PAXBP1: variants seen among roughly 807,000 people sequenced by gnomAD.
PAXBP1 encodes the protein PAX3 and PAX7 binding protein 1.
In PAXBP1, 44 loss-of-function variants were observed where a neutral mutation model predicts 119.9. The ratio of observed to expected loss-of-function variants is 0.37; its 90% CI spans 0.29 to 0.47. PAXBP1 has a LOEUF of 0.47. PAXBP1 is among the 20% of genes least tolerant of loss of function. The probability of loss-of-function intolerance (pLI) is 0.99; values close to 1 mark genes in which losing one functional copy is unlikely to be tolerated. For missense variants in PAXBP1, 898 were observed against 1,134.1 expected (o/e 0.79, Z 2.99); for synonymous variants, 393 against 406.6 (o/e 0.97, Z 0.40).
intron 10 of PAXBP1, among the ~76,000 whole-genome samples, chr21:32,750,324 T>C (rs941474285): frequency 6.6e-6 from 1 of 152,226 alleles, no homozygotes; most frequent in Non-Finnish European, 1.5e-5. Flanking sequence ...ATGTGGATGA[T>C]CACTGTGCTA....
chr21:32,742,214 G>T (rs754144627), intron 15 of PAXBP1: 2 of 152,084 alleles, frequency 1.3e-5, no homozygotes, highest in Non-Finnish European at 2.9e-5. Flanking sequence ...ACACTAAAAA[G>T]AGTGAATTTT....
At chr21:32,738,516 G>A (rs927810668) in intron 15 of PAXBP1, among the ~76,000 whole-genome samples, 197 bp from the exon 16 acceptor site, 6 of 152,036 alleles carry the variant, frequency 3.9e-5, no homozygotes, top group Non-Finnish European at 1.5e-5. Context: ...AGTCAAAATC[G>A]AAACAGCCAC....
rs1444575913 is a variant in PAXBP1 at position 32,761,168 on chromosome 21, G to A, written c.872-6C>T. 1.2e-6 allele frequency: 2 copies of A among 1,608,976 alleles called. No individual in the cohort carries two copies. Reference sequence around the variant, plus strand: ...ATCATCACTCCCCTCAATTCCTACAGCCATGAGCAACAAAGAAAAGTAAGT... The same window carrying A: ...ATCATCACTCCCCTCAATTCCTACAACCATGAGCAACAAAGAAAAGTAAGT... On this transcript the variant is annotated splice_polypyrimidine_tract_variant and splice_region_variant and intron_variant, in intron 4 of 17. Coordinates refer to ENST00000331923, the MANE Select transcript of PAXBP1 (RefSeq NM_016631.4).
Position 32,745,633 on chromosome 21 carries a change from T to C in PAXBP1, c.2009A>G (p.Asp670Gly). The C allele has an allele frequency of 1.2e-6, 2 of 1,614,064 alleles. No individual in the cohort carries two copies. Residue 670 changes from aspartate to glycine, a missense_variant, in exon 12 of 18, where the codon GAT (aspartate) becomes GGT (glycine). Asp to Gly is a moderately conservative substitution (Grantham distance 94). Around this residue, in one of 2 missense-constraint regions of PAXBP1, gnomAD observed 599 missense variants for 852.7 expected, o/e 0.70. Transcript: ENST00000331923. Reference sequence around the variant, plus strand: ...GGTAGGTAGTAGGGCAACATCTACATCATCTTTTTCTTGCTCTCGTTCTTC... The same window carrying C: ...GGTAGGTAGTAGGGCAACATCTACACCATCTTTTTCTTGCTCTCGTTCTTC... ...GCEEREQEKD[D>G]VDVALLPTIV... is the part of the protein sequence containing the mutation.
Position 32,744,798 on chromosome 21 carries a change from AT to A in PAXBP1, c.2183del (p.Asn728IlefsTer6). 1 of 1,575,600 alleles carries A rather than the reference AT, an allele frequency of 6.3e-7. No homozygotes were observed. The highest frequency in any genetic ancestry group is 1.2e-5 in the South Asian group (1 of 82,864). ...YPSVVNAENKNTQVYLKALLL... is the reference protein window; with the variant it reads ...YPSVVNAENKXTQVYLKALLL... ...TCAAAAGATACTAAATTACCTGTGT[AT>A]TTTTATTTTCTGCATTCACTACTGA... On this transcript the variant is annotated frameshift_variant, in exon 13 of 18. Transcript: ENST00000331923. LOFTEE classifies it high-confidence loss of function.
chr21:32,771,239 C>A (rs906724814), intron 1 of PAXBP1, 87 bp downstream of exon 1: 169 of 1,238,596 alleles, frequency 1.4e-4, no homozygotes, highest in Non-Finnish European at 1.7e-4. Flanking sequence ...GGCTCCGGGG[C>A]TGGGCGTCCA....
rs527335552 is a variant in PAXBP1, at chr21:32,762,213, G to A, written c.754C>T (p.Arg252Cys). Residue 252 changes from arginine to cysteine, a missense_variant, in exon 4 of 18, where the codon CGC becomes TGC. Around this residue, in one of 2 missense-constraint regions of PAXBP1, gnomAD observed 599 missense variants for 852.7 expected, o/e 0.70. Transcript: ENST00000331923. ...TCATTCTCATCTTCTCTAACAAGGC[G>A]GCCTTTACCAGGCTCATTATCATGA... The part of the protein sequence containing the change: ...TPHDNEPGKG[R>C]LVREDENDAS... 1.1e-5 allele frequency: 17 copies of A among 1,613,900 alleles called. No homozygotes were observed. The Admixed American group carries it at 1.2e-4, about 11-fold the overall frequency.
At chr21:32,745,342 T>C (rs1417754232) in intron 12 of PAXBP1, among the ~76,000 whole-genome samples, 1 of 152,224 alleles carries the variant, frequency 6.6e-6, no homozygotes, top group Non-Finnish European at 1.5e-5. Flanking sequence ...TTTGAATTTC[T>C]AAACCTCACC....
intron 5 of PAXBP1, 45 bp from the exon 6 acceptor site, chr21:32,760,039 T>C: frequency 6.8e-7 from 1 of 1,471,850 alleles, no homozygotes; most frequent in Non-Finnish European, 9.3e-7. Context: ...AGTTAAAACT[T>C]TGAAAATAAT....
intron 6 of PAXBP1, 77 bp from the exon 7 acceptor site, chr21:32,759,346 A>G (rs2044097373): frequency 7.7e-7 from 1 of 1,291,562 alleles, no homozygotes; most frequent in East Asian, 2.4e-5. Context: ...CAATATTAAA[A>G]TATGCATTTA....
At chr21:32,765,220 A>G (rs1300967389) in intron 2 of PAXBP1, among the ~76,000 whole-genome samples, 1 of 152,202 alleles carries the variant, frequency 6.6e-6, no homozygotes, top group East Asian at 1.9e-4. Flanking sequence ...TATGTAAACT[A>G]GGAAGGGAGC....
rs937458370 is a variant in PAXBP1 at position 32,734,631 on chromosome 21, A to G, written c.*319T>C. 7.2e-6 allele frequency: 2 copies of G among 276,782 alleles called. No homozygotes were observed. Among genetic ancestry groups the G allele is most frequent in the African/African-American group, 4.6e-5 (2 of 43,768 alleles). The allele number at this position is 276,782 out of a possible 1,614,324, so 17.1% of individuals were successfully genotyped here. A position where few individuals can be genotyped will look rare whatever the true frequency, so the allele number is the denominator to read the frequency against. On this transcript the variant is annotated 3_prime_UTR_variant, in exon 18 of 18. Transcript: ENST00000331923. ...TAAGTCCATGGTGGTATAAATATAT[A>G]TATGCATAATTACACAATTTACACT...
Position 32,771,466 on chromosome 21 carries a change from G to T in PAXBP1, c.203C>A (p.Thr68Asn), listed in dbSNP as rs1239997093. The change falls in exon 1 of 18, where the codon ACC (threonine) becomes AAC (asparagine). Residue 68 changes from threonine to asparagine, a missense_variant. Physicochemically the swap from Thr to Asn is moderately conservative, Grantham distance 65. Transcript: ENST00000331923. ...GPGPSPPSALTPGLGAEAGGG... is the reference protein window; with the variant it reads ...GPGPSPPSALNPGLGAEAGGG... ...CCCGGCCTCAGCCCCGAGGCCCGGG[G>T]TCAGCGCGGAAGGCGGCGACGGCCC... 7.3e-7 allele frequency: 1 copy of T among 1,369,888 alleles called. No homozygotes were observed. Among genetic ancestry groups the T allele is most frequent in the Non-Finnish European group, 9.4e-7 (1 of 1,069,128 alleles). The allele number at this position is 1,369,888 out of a possible 1,614,324, so 84.9% of individuals were successfully genotyped here. A position where few individuals can be genotyped will look rare whatever the true frequency, so the allele number is the denominator to read the frequency against.
At position 32,764,500 on chromosome 21, in the gene PAXBP1, C is replaced by T. The variant is rs563760158; in HGVS notation, c.497G>A (p.Gly166Glu). ...AESEQPLDKT[G>E]HVKDTNQEDG... Reference sequence around the variant, plus strand: ...TTCTTGATTTGTATCCTTAACATGTCCTGTTTTGTCCAAAGGTTGTTCACC... The same window carrying T: ...TTCTTGATTTGTATCCTTAACATGTTCTGTTTTGTCCAAAGGTTGTTCACC... Residue 166 changes from glycine (G) to glutamate (E), a missense_variant, in exon 3 of 18, where the codon GGA becomes GAA. By Grantham distance (98) the Gly-to-Glu change is moderately conservative (BLOSUM62 -2). Transcript: ENST00000331923. 4 of 1,608,806 alleles carry T rather than the reference C, an allele frequency of 2.5e-6. No individual in the cohort carries two copies. In the South Asian group the frequency reaches 4.5e-5, roughly 18 times the overall value.
chr21:32,759,297 C>T, intron 6 of PAXBP1, 28 bp from the exon 7 acceptor site: 1 of 1,597,898 alleles, frequency 6.3e-7, no homozygotes, highest in Middle Eastern at 1.7e-4. Flanking sequence ...ATAAATATAA[C>T]ACATTTACAT....
In PAXBP1 at chr21:32,740,806, G is replaced by A. The variant is rs148602094; in HGVS notation, c.2334+2442C>T. Among the ~76,000 whole-genome samples the A allele has an allele frequency of 5.8e-3, 876 of 151,524 alleles. 9 individuals carry two copies. Among genetic ancestry groups the A allele is most frequent in the Non-Finnish European group, 8.0e-3 (540 of 67,884 alleles). Reference sequence around the variant, plus strand: ...GAAGACTATTAGAATGGAAAGATAAGCCACAAACTGAAAAAAAAAAATCTG... The same window carrying A: ...GAAGACTATTAGAATGGAAAGATAAACCACAAACTGAAAAAAAAAAATCTG... On this transcript the variant is annotated intron_variant, in intron 15 of 17. Coordinates refer to ENST00000331923, the MANE Select transcript of PAXBP1 (RefSeq NM_016631.4).
At chr21:32,762,002 T>C in intron 4 of PAXBP1, 94 bp downstream of exon 4, 2 of 1,282,950 alleles carry the variant, frequency 1.6e-6, no homozygotes, top group Admixed American at 1.9e-5. Flanking sequence ...ATTGTACCAC[T>C]GCACTCTGGC....
At chr21:32,755,199 T>C (rs1287625812) in intron 8 of PAXBP1, 31 bp downstream of exon 8, 7 of 1,584,180 alleles carry the variant, frequency 4.4e-6, no homozygotes, top group Non-Finnish European at 5.2e-6. Flanking sequence ...GGTTGTTTAA[T>C]GAATAATAAA....
Position 32,743,701 on chromosome 21 carries a change from T to C in PAXBP1, c.2244A>G (p.Val748=), listed in dbSNP as rs776936292. ...LRMRRTLDDD[V]FMPLYPKNVL... ...ACTTTTTGGGATATAAGGGCATAAA[T>C]ACATCATCATCTAAAGTTCTTCTCA... Residue 748 remains valine (V), a synonymous_variant, in exon 14 of 18, where the codon GTA becomes GTG. Coordinates refer to ENST00000331923, the MANE Select transcript of PAXBP1 (RefSeq NM_016631.4). The C allele has an allele frequency of 1.3e-6, 2 of 1,595,374 alleles. No individual in the cohort carries two copies. Among genetic ancestry groups the C allele is most frequent in the Non-Finnish European group, 1.7e-6 (2 of 1,165,686 alleles).
Sources: allele counts gnomAD v4.1 joint callset (sites outside exome capture counted in the v4.1 genomes callset), GRCh38; gene constraint gnomAD v4.1.1; regional missense constraint gnomAD v4.1.1; transcripts MANE v1.5; gene names NCBI Gene and HGNC (gene_info 2026-07-23, HGNC 2026-07-21).